The following SLC9B2 variants were observed in gnomAD, a reference collection of about 807,000 sequenced individuals.
The protein encoded by SLC9B2 is solute carrier family 9 member B2.
A neutral mutation model predicts 52.2 loss-of-function variants in SLC9B2; 39 were observed. The observed-to-expected ratio is 0.75, with a 90% CI of 0.58 to 0.98. SLC9B2 has a LOEUF of 0.98. SLC9B2 is among the 50% of genes least tolerant of loss of function. The pLI is 0.00. For missense variants in SLC9B2, 626 were observed against 637.5 expected (o/e 0.98, Z 0.19); for synonymous variants, 214 against 227.0 (o/e 0.94, Z 0.51).
At chr4:103,058,000 A>G (rs1196806614) in intron 3 of SLC9B2, 29 bp from the exon 4 acceptor site, 1 of 1,572,754 alleles carries the variant, frequency 6.4e-7, no homozygotes, top group African/African-American at 1.4e-5. Flanking sequence ...ACTAGTTACT[A>G]TCAATAAGTT....
intron 11 of SLC9B2, 45 bp downstream of exon 11, chr4:103,028,702 T>C (rs1371210316): frequency 6.4e-7 from 1 of 1,555,026 alleles, no homozygotes; most frequent in Non-Finnish European, 8.6e-7. Context: ...CAAGGTGTCA[T>C]GCAGAAATAG....
chr4:103,077,117 T>C (rs1747251956), upstream of SLC9B2: 1 of 152,244 alleles, frequency 6.6e-6, no homozygotes, highest in African/African-American at 2.4e-5. Flanking sequence ...GTATTTCCTC[T>C]TGTGTGTGTT....
chr4:103,041,890 G>A (rs907979034), intron 9 of SLC9B2, among the ~76,000 whole-genome samples: 2 of 152,024 alleles, frequency 1.3e-5, no homozygotes, highest in Non-Finnish European at 2.9e-5. Context: ...GCTTCTATAA[G>A]GTAGAAATCA....
intron 9 of SLC9B2, among the ~76,000 whole-genome samples, chr4:103,034,943 T>A (rs1004977709): frequency 3.9e-5 from 6 of 152,116 alleles, no homozygotes; most frequent in African/African-American, 1.4e-4. Flanking sequence ...AAATGTCAAA[T>A]GAAACATAAT....
At chr4:103,028,498 T>C (rs1336659035) in intron 11 of SLC9B2, among the ~76,000 whole-genome samples, 1 of 152,186 alleles carries the variant, frequency 6.6e-6, no homozygotes, top group Non-Finnish European at 1.5e-5. Flanking sequence ...TACTGCTTTC[T>C]AGTAGAATAG....
intron 4 of SLC9B2, among the ~76,000 whole-genome samples, chr4:103,056,206 G>A (rs1745124740): frequency 6.6e-6 from 1 of 152,010 alleles, no homozygotes; most frequent in African/African-American, 2.4e-5. Context: ...GCCTCTGGAA[G>A]AGTATTTTCA....
chr4:103,035,506 G>A (rs1743090245), intron 9 of SLC9B2, among the ~76,000 whole-genome samples: 1 of 152,082 alleles, frequency 6.6e-6, no homozygotes, highest in Non-Finnish European at 1.5e-5. Context: ...CCCAGTAATA[G>A]GATTGCTGAG....
intron 3 of SLC9B2, among the ~76,000 whole-genome samples, chr4:103,062,619 CT>C (rs1045210295): frequency 6.6e-6 from 1 of 152,040 alleles, no homozygotes; most frequent in South Asian, 2.1e-4. Context: ...GTAAGATTTA[CT>C]TTTTTTATTT....
chr4:103,020,050 G>T, downstream of SLC9B2: 1 of 462,080 alleles, frequency 2.2e-6, no homozygotes, highest in African/African-American at 2.1e-5. Context: ...CCCCAAGACG[G>T]CCTGAGCTTA....
At chr4:103,059,566 A>T (rs1440951218) in intron 3 of SLC9B2, among the ~76,000 whole-genome samples, 1 of 152,234 alleles carries the variant, frequency 6.6e-6, no homozygotes, top group Admixed American at 6.5e-5. Flanking sequence ...GCACTTCCAC[A>T]GAGATTTCGT....
In SLC9B2 at chr4:103,023,598, A is replaced by G. The variant is rs551399364; in HGVS notation, c.*2772T>C. Among the ~76,000 whole-genome samples the G allele has an allele frequency of 6.6e-6, 1 of 152,354 alleles. No homozygotes were observed. Among genetic ancestry groups the G allele is most frequent in the South Asian group, 2.1e-4 (1 of 4,828 alleles). ...AACATAGTCTTATAGCAATTAATAA[A>G]TTCCTACAAAGAGCTTCCAGGAATA... On this transcript the variant is annotated 3_prime_UTR_variant, in exon 12 of 12. Transcript: ENST00000394785.
In SLC9B2 at chr4:103,050,347, G is replaced by T; in HGVS notation, c.478C>A (p.Pro160Thr). Residue 160 changes from proline (P) to threonine (T), a missense_variant, in exon 5 of 12, where the codon CCA (proline) becomes ACA (threonine). By Grantham distance (38) the Pro-to-Thr change is conservative. Transcript: ENST00000394785. ...ATCTGCACATTATCGTTGATGACTG[G>T]GATATTTCTGATGAGAAACCCTGCA... The part of the protein sequence containing the change: ...LLAGFLIRNI[P>T]VINDNVQIKH... 1 of 1,605,848 alleles carries T rather than the reference G, an allele frequency of 6.2e-7. No individual in the cohort carries two copies. Among genetic ancestry groups the T allele is most frequent in the African/African-American group, 1.3e-5 (1 of 74,504 alleles).
intron 9 of SLC9B2, among the ~76,000 whole-genome samples, chr4:103,041,258 A>G (rs1743615374): frequency 6.6e-6 from 1 of 152,228 alleles, no homozygotes; most frequent in African/African-American, 2.4e-5. Flanking sequence ...ACTATGGTGC[A>G]TCCATGTGTG....
At chr4:103,040,772 C>T (rs1345889123) in intron 9 of SLC9B2, among the ~76,000 whole-genome samples, 16 of 152,208 alleles carry the variant, frequency 1.1e-4, no homozygotes, top group Admixed American at 1.0e-3. Context: ...CAACTTTTTA[C>T]CTATCAGTAT....
chr4:103,039,545 A>G (rs183863504), intron 9 of SLC9B2, among the ~76,000 whole-genome samples: 363 of 152,250 alleles, frequency 2.4e-3, no homozygotes, highest in Non-Finnish European at 3.5e-3. Flanking sequence ...TGAGTACTAA[A>G]TTAGAAAAGA....
At chr4:103,019,397 C>T (rs1302315990), downstream of SLC9B2, among the ~76,000 whole-genome samples, 2 of 152,036 alleles carry the variant, frequency 1.3e-5, no homozygotes, top group African/African-American at 4.8e-5. Context: ...TGTGGGATGA[C>T]GGAGTAAGGA....
chr4:103,069,279 C>T (rs1040832479), intron 1 of SLC9B2, among the ~76,000 whole-genome samples: 5 of 152,048 alleles, frequency 3.3e-5, no homozygotes, highest in African/African-American at 7.2e-5. Context: ...GAGAGTAATG[C>T]GAGATCAGGT....
chr4:103,068,821 G>T (rs74366717), intron 1 of SLC9B2, among the ~76,000 whole-genome samples: 1,990 of 152,206 alleles, frequency 0.013, 42 homozygotes, highest in African/African-American at 0.042. Flanking sequence ...GTGCCTAATG[G>T]GTTCCAGGCA....
rs764409021 is a variant in SLC9B2 at position 103,067,687 on chromosome 4, G to A, written c.-42-95C>T. The A allele has an allele frequency of 6.3e-5, 44 of 697,192 alleles. 1 individual carries two copies. The highest frequency in any genetic ancestry group is 3.6e-4 in the African/African-American group (20 of 55,716). 43.2% of individuals were successfully genotyped at this position (697,192 alleles called of 1,614,324 possible). A position where few individuals can be genotyped will look rare whatever the true frequency, so the allele number is the denominator to read the frequency against. ...ACTTATTTTTTTCCCTAAAAATTCC[G>A]AATGGCTAAACTATTTGAAATTAGA... is the stretch of plus-strand genomic sequence containing the variant. On this transcript the variant is annotated intron_variant, in intron 1 of 11. Coordinates refer to ENST00000394785, the MANE Select transcript of SLC9B2 (RefSeq NM_178833.7).
Sources: allele counts gnomAD v4.1 joint callset (sites outside exome capture counted in the v4.1 genomes callset), GRCh38; gene constraint gnomAD v4.1.1; transcripts MANE v1.5; gene names NCBI Gene and HGNC (gene_info 2026-07-23, HGNC 2026-07-21).